CATSPERQ: variants seen among roughly 807,000 people sequenced by gnomAD.
CATSPERQ encodes cation channel sperm-associated auxiliary subunit theta.
At chr8:144,354,168 G>A in the CATSPERQ span, 15 of 1,537,666 alleles carry the variant, frequency 9.8e-6, no homozygotes, top group Non-Finnish European at 1.3e-5. This position sits in a 1 kb window ranked among gnomAD's most constrained non-coding sequence, Gnocchi z 4.6. Flanking sequence ...GCCACGCGGA[G>A]AGTCTGAGCG....
chr8:144,354,613 G>A, the CATSPERQ span: 1,107 of 1,408,966 alleles, frequency 7.9e-4, 2 homozygotes, highest in Non-Finnish European at 8.1e-4. This position sits in a 1 kb window ranked among gnomAD's most constrained non-coding sequence, Gnocchi z 4.6. Context: ...AGCCTCGCGC[G>A]CACCGTTTGG....
At chr8:144,354,554 C>CGACGA in the CATSPERQ span, 1 of 924,982 alleles carries the variant, frequency 1.1e-6, no homozygotes, top group Non-Finnish European at 1.6e-6. This position sits in a 1 kb window ranked among gnomAD's most constrained non-coding sequence, Gnocchi z 4.6. Flanking sequence ...GCCCGTCTCC[C>CGACGA]TCCTCCCCCG....
At chr8:144,353,830 C>G in the CATSPERQ span, 1 of 1,535,436 alleles carries the variant, frequency 6.5e-7, no homozygotes, top group Non-Finnish European at 8.7e-7. Flanking sequence ...CCTGTGGCCG[C>G]CGAGGACCAG....
chr8:144,354,312 G>A, the CATSPERQ span: 2 of 1,533,740 alleles, frequency 1.3e-6, no homozygotes, highest in East Asian at 2.4e-5. The surrounding 1 kb of genome is among the most constrained non-coding windows in gnomAD (Gnocchi z 4.6). Context: ...GTGTGTCCAG[G>A]TAGTATTCGA....
the CATSPERQ span, chr8:144,354,559 C>CCCCCGCCCCGCCCTTCCCAGCCCCG: frequency 1.7e-6 from 1 of 598,374 alleles, no homozygotes. This position sits in a 1 kb window ranked among gnomAD's most constrained non-coding sequence, Gnocchi z 4.6. Context: ...TCTCCCTCCT[C>CCCCCGCCCCGCCCTTCCCAGCCCCG]CCCCGCCCCG....
chr8:144,354,578 A>AACCCCCCCCCCCCCCCCCCCCC, the CATSPERQ span: 3 of 221,152 alleles, frequency 1.4e-5, no homozygotes, highest in East Asian at 1.2e-4. This position sits in a 1 kb window ranked among gnomAD's most constrained non-coding sequence, Gnocchi z 4.6. Flanking sequence ...CGCCCTTCCC[A>AACCCCCCCCCCCCCCCCCCCCC]GCCCCGCCCC....
the CATSPERQ span, chr8:144,353,453 G>A: frequency 1.3e-6 from 2 of 1,535,926 alleles, no homozygotes; most frequent in Non-Finnish European, 8.7e-7. Flanking sequence ...CCACGTGCCG[G>A]TAGGAGGTGG....
the CATSPERQ span, chr8:144,354,056 G>A: frequency 6.5e-7 from 1 of 1,535,440 alleles, no homozygotes; most frequent in South Asian, 1.2e-5. The surrounding 1 kb of genome is among the most constrained non-coding windows in gnomAD (Gnocchi z 4.6). Context: ...GTGTGGTTCA[G>A]CACCAGGCGG....
At chr8:144,353,559 G>C in the CATSPERQ span, 1 of 1,516,058 alleles carries the variant, frequency 6.6e-7, no homozygotes, top group African/African-American at 1.4e-5. Context: ...AACTGGGGCC[G>C]GGACAGGACA....
chr8:144,353,552 TGGGGCCG>T, the CATSPERQ span: 1 of 1,523,760 alleles, frequency 6.6e-7, no homozygotes, highest in South Asian at 1.2e-5. Context: ...GGCGCTCAAC[TGGGGCCG>T]GGACAGGACA....
At chr8:144,353,337 G>A in the CATSPERQ span, 67 of 1,523,088 alleles carry the variant, frequency 4.4e-5, no homozygotes, top group Non-Finnish European at 5.7e-5. Flanking sequence ...AGGTGGGGGA[G>A]GCCCTCAGAG....
At chr8:144,353,353 C>T in the CATSPERQ span, 2 of 1,532,206 alleles carry the variant, frequency 1.3e-6, no homozygotes, top group African/African-American at 2.7e-5. Flanking sequence ...CAGAGTCACA[C>T]CTCCAGGCTG....
At chr8:144,353,515 A>C in the CATSPERQ span, 1 of 1,534,716 alleles carries the variant, frequency 6.5e-7, no homozygotes, top group Non-Finnish European at 8.7e-7. Context: ...TAACGGCCCA[A>C]GTATTCCATT....
chr8:144,354,448 G>A, the CATSPERQ span: 3 of 1,305,692 alleles, frequency 2.3e-6, no homozygotes, highest in Non-Finnish European at 3.0e-6. This position sits in a 1 kb window ranked among gnomAD's most constrained non-coding sequence, Gnocchi z 4.6. Context: ...GCGACGTCTC[G>A]CCTGCGGCCT....
chr8:144,354,725 C>G, the CATSPERQ span: 1 of 1,535,636 alleles, frequency 6.5e-7, no homozygotes, highest in Non-Finnish European at 8.7e-7. The surrounding 1 kb of genome is among the most constrained non-coding windows in gnomAD (Gnocchi z 4.6). Context: ...AAGCGCCAGC[C>G]GATGGAGGTC....
At chr8:144,354,730 G>A in the CATSPERQ span, 337 of 1,535,598 alleles carry the variant, frequency 2.2e-4, 4 homozygotes, top group Admixed American at 6.7e-4. The surrounding 1 kb of genome is among the most constrained non-coding windows in gnomAD (Gnocchi z 4.6). Flanking sequence ...CCAGCCGATG[G>A]AGGTCGTGGG....
At chr8:144,353,850 G>C in the CATSPERQ span, 4 of 1,535,386 alleles carry the variant, frequency 2.6e-6, no homozygotes, top group Non-Finnish European at 3.5e-6. Flanking sequence ...GGTGGAAGAA[G>C]CACCTTCCGT....
the CATSPERQ span, chr8:144,354,810 C>T: frequency 6.6e-7 from 1 of 1,520,542 alleles, no homozygotes; most frequent in Non-Finnish European, 8.8e-7. This position sits in a 1 kb window ranked among gnomAD's most constrained non-coding sequence, Gnocchi z 4.6. Flanking sequence ...TCGTCCGCTG[C>T]CGCCGCCCAC....
chr8:144,354,926 C>A, the CATSPERQ span: 2 of 1,244,160 alleles, frequency 1.6e-6, no homozygotes, highest in African/African-American at 1.5e-5. This position sits in a 1 kb window ranked among gnomAD's most constrained non-coding sequence, Gnocchi z 4.6. Context: ...GGCCAGGGAG[C>A]GGCCCAGGGT....
Sources: allele counts gnomAD v4.1 joint callset, GRCh38; gene constraint gnomAD v4.1.1; non-coding constraint Gnocchi (gnomAD v3.1); transcripts MANE v1.5; gene names NCBI Gene and HGNC (gene_info 2026-07-23, HGNC 2026-07-21).